The following USP50 variants were observed in gnomAD, a reference collection of about 807,000 sequenced individuals.
USP50 encodes ubiquitin specific peptidase 50.
In USP50, 37 loss-of-function variants were observed where a neutral mutation model predicts 39.2. That is an observed-to-expected ratio of 0.94 (90% CI 0.73 to 1.24). The LOEUF is 1.24. Ranked by LOEUF, USP50 falls within the 50% of genes most tolerant of loss-of-function variation. The probability of loss-of-function intolerance (pLI) is 0.00; values close to 1 mark genes in which losing one functional copy is unlikely to be tolerated. For missense variants in USP50, 374 were observed against 398.2 expected (o/e 0.94, Z 0.52); for synonymous variants, 139 against 144.5 (o/e 0.96, Z 0.27).
chr15:50,495,893 G>A (rs568333100), downstream of USP50: 14 of 1,613,702 alleles, frequency 8.7e-6, no homozygotes, highest in East Asian at 4.5e-5. Context: ...TGATCATCTC[G>A]ATGACTTTAA....
At position 50,546,593 on chromosome 15, in the gene USP50, C is replaced by G; in HGVS notation, c.-68G>C. ...ACATCTATTCCTTTCAACTTCATTTCTCTGAGCCTGTTAACGCTGGCTTTT... is the reference window on the plus strand; with the variant it reads ...ACATCTATTCCTTTCAACTTCATTTGTCTGAGCCTGTTAACGCTGGCTTTT... On this transcript the variant is annotated 5_prime_UTR_variant, in exon 1 of 7. Transcript: ENST00000532404. 5 of 1,572,742 alleles carry G rather than the reference C, an allele frequency of 3.2e-6. No individual in the cohort carries two copies. Among genetic ancestry groups the G allele is most frequent in the Non-Finnish European group, 3.5e-6 (4 of 1,143,374 alleles).
chr15:50,532,522 C>T (rs915866192), intron 5 of USP50, among the ~76,000 whole-genome samples: 3 of 152,110 alleles, frequency 2.0e-5, no homozygotes, highest in Non-Finnish European at 4.4e-5. Flanking sequence ...CCTCCCCCTC[C>T]GCCTTACCAC....
At chr15:50,532,539 A>G (rs75599848) in intron 5 of USP50, among the ~76,000 whole-genome samples, 7,614 of 152,152 alleles carry the variant, frequency 0.05, 649 homozygotes, top group African/African-American at 0.18. Context: ...CCACCCCATC[A>G]TTAAGGTCTA....
chr15:50,546,039 C>G (rs3098202), intron 1 of USP50, among the ~76,000 whole-genome samples: 71,054 of 150,890 alleles, frequency 0.47, 16,910 homozygotes, highest in Admixed American at 0.55. Context: ...GGGTTCCAAA[C>G]GGGACCTCCT....
chr15:50,546,408 C>G, intron 1 of USP50, 65 bp downstream of exon 1: 1 of 1,566,986 alleles, frequency 6.4e-7, no homozygotes, highest in Non-Finnish European at 8.8e-7. Flanking sequence ...TGTCCCCTGA[C>G]TCCTCTGAGC....
At chr15:50,537,224 T>C (rs576753649) in intron 5 of USP50, among the ~76,000 whole-genome samples, 10 of 149,022 alleles carry the variant, frequency 6.7e-5, no homozygotes, top group Non-Finnish European at 1.5e-4. Flanking sequence ...CTAGGACAAC[T>C]GGATATCCAC....
At chr15:50,521,043 TTTTG>T (rs1039063462) in intron 6 of USP50, among the ~76,000 whole-genome samples, 5 of 152,136 alleles carry the variant, frequency 3.3e-5, no homozygotes, top group African/African-American at 7.2e-5. Flanking sequence ...AATTTGGTTC[TTTTG>T]TTTGTTTGTT....
intron 5 of USP50, among the ~76,000 whole-genome samples, chr15:50,533,076 T>C (rs895993093): frequency 6.6e-6 from 1 of 150,530 alleles, no homozygotes; most frequent in Non-Finnish European, 1.5e-5. Context: ...GAGACCAAGG[T>C]GGGAGAATCG....
chr15:50,528,842 T>G (rs1243167282), intron 6 of USP50, among the ~76,000 whole-genome samples: 1 of 152,206 alleles, frequency 6.6e-6, no homozygotes, highest in African/African-American at 2.4e-5. Flanking sequence ...AAATTAGACT[T>G]CGGTGGACTC....
chr15:50,495,936 A>G (rs957021358), downstream of USP50: 1 of 1,613,910 alleles, frequency 6.2e-7, no homozygotes. Flanking sequence ...AAACACAAGC[A>G]GCTCAATGAG....
intron 6 of USP50, among the ~76,000 whole-genome samples, chr15:50,515,969 C>G (rs1596009495): frequency 1.3e-5 from 2 of 152,220 alleles, no homozygotes; most frequent in African/African-American, 4.8e-5. Flanking sequence ...GCTAACGTAT[C>G]AATCAAATTA....
At chr15:50,496,277 C>T (rs1029486538), downstream of USP50, among the ~76,000 whole-genome samples, 1 of 151,942 alleles carries the variant, frequency 6.6e-6, no homozygotes, top group Non-Finnish European at 1.5e-5. Flanking sequence ...GTCAGGAGAT[C>T]GAGACCATCC....
At chr15:50,498,988 A>G, downstream of USP50, 2 of 1,614,018 alleles carry the variant, frequency 1.2e-6, no homozygotes, top group East Asian at 2.2e-5. Context: ...TTTGATGATC[A>G]TGAAGTTTCT....
chr15:50,544,466 C>G (rs1474251725), intron 2 of USP50, 121 bp downstream of exon 2: 6 of 893,134 alleles, frequency 6.7e-6, no homozygotes, highest in Non-Finnish European at 8.3e-6. Flanking sequence ...ATCTGGGAAG[C>G]TACAACCTCT....
chr15:50,530,954 T>A (rs1346287839), intron 5 of USP50, among the ~76,000 whole-genome samples: 3 of 152,184 alleles, frequency 2.0e-5, no homozygotes, highest in Admixed American at 2.0e-4. Context: ...TGTTTTTTTT[T>A]AATGTTTTAA....
At chr15:50,506,776 G>C (rs1179569676) in intron 6 of USP50, 1 of 151,524 alleles carries the variant, frequency 6.6e-6, no homozygotes, top group Non-Finnish European at 1.5e-5. Context: ...TGGCCAACAC[G>C]GTGAAACCTC....
intron 1 of USP50, among the ~76,000 whole-genome samples, chr15:50,494,831 A>G (rs1468608911): frequency 6.6e-6 from 1 of 152,148 alleles, no homozygotes; most frequent in African/African-American, 2.4e-5. Flanking sequence ...CCTGGCCAAC[A>G]TGGCAAAACC....
Position 50,518,283 on chromosome 15 carries a change from C to T in USP50, c.936+11514G>A, listed in dbSNP as rs578042835. 4.0e-5 allele frequency among the ~76,000 whole-genome samples: 6 copies of T among 150,864 alleles called. No homozygotes were observed. The East Asian group carries it at 9.8e-4, about 25-fold the overall frequency. On this transcript the variant is annotated intron_variant, in intron 6 of 6. Transcript: ENST00000532404. ...TCACCCAGGCTGGAGTGCAGTGGCG[C>T]GATCTTGGCTCACTGCAAGTTCCGT... is the stretch of plus-strand genomic sequence containing the variant.
intron 6 of USP50, among the ~76,000 whole-genome samples, chr15:50,518,785 G>A (rs1255867683): frequency 6.6e-6 from 1 of 152,130 alleles, no homozygotes. Flanking sequence ...AAAAGCACAG[G>A]CAACAAATTG....
Sources: allele counts gnomAD v4.1 joint callset (sites outside exome capture counted in the v4.1 genomes callset), GRCh38; gene constraint gnomAD v4.1.1; transcripts MANE v1.5; gene names NCBI Gene and HGNC (gene_info 2026-07-23, HGNC 2026-07-21).